Variants in DRC11 observed in about 807,000 individuals in gnomAD.
DRC11 encodes the protein IQ and AAA domain-containing protein 1.
chr2:236,411,330 T>C, the DRC11 span, among the ~76,000 whole-genome samples: 1 of 151,060 alleles, frequency 6.6e-6, no homozygotes, highest in East Asian at 2.0e-4. Flanking sequence ...GAAATGCAAA[T>C]CAAAACCACA....
the DRC11 span, among the ~76,000 whole-genome samples, chr2:236,471,997 G>A: frequency 6.6e-6 from 1 of 152,150 alleles, no homozygotes; most frequent in African/African-American, 2.4e-5. The surrounding 1 kb of genome is among the most constrained non-coding windows in gnomAD (Gnocchi z 4.6). Context: ...GGAGACCTGA[G>A]ACAAGAATAA....
At chr2:236,322,324 T>C in the DRC11 span, among the ~76,000 whole-genome samples, 2 of 140,192 alleles carry the variant, frequency 1.4e-5, no homozygotes, top group East Asian at 4.7e-4. Flanking sequence ...AAGCTCCGCC[T>C]CCCGGGTTCA....
At chr2:236,365,947 C>G in the DRC11 span, among the ~76,000 whole-genome samples, 1 of 152,180 alleles carries the variant, frequency 6.6e-6, no homozygotes, top group African/African-American at 2.4e-5. This position sits in a 1 kb window ranked among gnomAD's most constrained non-coding sequence, Gnocchi z 7.4. Context: ...ACAAGGAGGC[C>G]AGTGTTCTCT....
the DRC11 span, among the ~76,000 whole-genome samples, chr2:236,446,033 G>C: frequency 1.3e-5 from 2 of 152,140 alleles, no homozygotes; most frequent in South Asian, 2.1e-4. This position sits in a 1 kb window ranked among gnomAD's most constrained non-coding sequence, Gnocchi z 6.2. Context: ...TGGCCACTTA[G>C]AGCATGTTAA....
chr2:236,334,389 G>T, the DRC11 span, among the ~76,000 whole-genome samples: 1 of 152,146 alleles, frequency 6.6e-6, no homozygotes, highest in Non-Finnish European at 1.5e-5. This position sits in a 1 kb window ranked among gnomAD's most constrained non-coding sequence, Gnocchi z 7.8. Flanking sequence ...GGGGTCTCTG[G>T]CCCAGAAGTG....
At chr2:236,315,705 G>T in the DRC11 span, among the ~76,000 whole-genome samples, 1 of 152,170 alleles carries the variant, frequency 6.6e-6, no homozygotes, top group African/African-American at 2.4e-5. The surrounding 1 kb of genome is among the most constrained non-coding windows in gnomAD (Gnocchi z 5.1). Context: ...CCTTTGCAGG[G>T]ACATGGATGA....
the DRC11 span, among the ~76,000 whole-genome samples, chr2:236,491,572 T>C: frequency 5.3e-5 from 8 of 152,108 alleles, no homozygotes; most frequent in Admixed American, 1.3e-4. Flanking sequence ...GTAATCTCCC[T>C]TCTCCATTTT....
chr2:236,340,833 A>G, the DRC11 span, among the ~76,000 whole-genome samples: 1 of 152,228 alleles, frequency 6.6e-6, no homozygotes, highest in Non-Finnish European at 1.5e-5. Flanking sequence ...GGCAATGTCC[A>G]GAGTGACATC....
chr2:236,421,289 TC>T, the DRC11 span, among the ~76,000 whole-genome samples: 1 of 151,906 alleles, frequency 6.6e-6, no homozygotes, highest in Non-Finnish European at 1.5e-5. Context: ...TTTGAAAAGA[TC>T]AACTAAATTG....
chr2:236,458,547 C>T, the DRC11 span, among the ~76,000 whole-genome samples: 4 of 152,190 alleles, frequency 2.6e-5, no homozygotes, highest in Non-Finnish European at 5.9e-5. Flanking sequence ...AAATGCATAA[C>T]CCCAATAAGT....
chr2:236,357,767 C>T, the DRC11 span, among the ~76,000 whole-genome samples: 1 of 122,178 alleles, frequency 8.2e-6, no homozygotes, highest in Admixed American at 8.9e-5. Context: ...TATACATATA[C>T]TATGTAAATA....
At chr2:236,463,220 A>G in the DRC11 span, among the ~76,000 whole-genome samples, 1 of 152,224 alleles carries the variant, frequency 6.6e-6, no homozygotes, top group African/African-American at 2.4e-5. The surrounding 1 kb of genome is among the most constrained non-coding windows in gnomAD (Gnocchi z 5.0). Flanking sequence ...GAATTTTATA[A>G]GTTTTGACAA....
the DRC11 span, among the ~76,000 whole-genome samples, chr2:236,486,389 T>G: frequency 6.6e-6 from 1 of 152,108 alleles, no homozygotes; most frequent in Non-Finnish European, 1.5e-5. This position sits in a 1 kb window ranked among gnomAD's most constrained non-coding sequence, Gnocchi z 5.7. Flanking sequence ...TTTAAGCTAC[T>G]AAGTTTGTGG....
the DRC11 span, among the ~76,000 whole-genome samples, chr2:236,443,841 T>G: frequency 0.023 from 3,489 of 152,312 alleles, 133 homozygotes; most frequent in African/African-American, 0.079. This position sits in a 1 kb window ranked among gnomAD's most constrained non-coding sequence, Gnocchi z 4.4. Context: ...TCTGCAACCT[T>G]GCCAGCACCT....
chr2:236,386,393 G>A, the DRC11 span, among the ~76,000 whole-genome samples: 1 of 152,132 alleles, frequency 6.6e-6, no homozygotes, highest in African/African-American at 2.4e-5. Context: ...AGTCTTGGGA[G>A]AATGTATGTG....
chr2:236,499,845 T>A, the DRC11 span, among the ~76,000 whole-genome samples: 4 of 152,208 alleles, frequency 2.6e-5, no homozygotes, highest in Non-Finnish European at 4.4e-5. This position sits in a 1 kb window ranked among gnomAD's most constrained non-coding sequence, Gnocchi z 4.7. Flanking sequence ...GAGATAAGTA[T>A]CCATGGTTAA....
chr2:236,456,929 G>A, the DRC11 span, among the ~76,000 whole-genome samples: 22 of 152,330 alleles, frequency 1.4e-4, no homozygotes, highest in East Asian at 3.9e-4. The surrounding 1 kb of genome is among the most constrained non-coding windows in gnomAD (Gnocchi z 5.4). Context: ...TCCAAAGCCC[G>A]TGGGGAGATG....
chr2:236,497,491 G>A, the DRC11 span: 2 of 1,586,364 alleles, frequency 1.3e-6, no homozygotes. The surrounding 1 kb of genome is among the most constrained non-coding windows in gnomAD (Gnocchi z 5.1). Flanking sequence ...ATACATTCTG[G>A]GGGAAGAGAG....
At chr2:236,417,826 G>A in the DRC11 span, among the ~76,000 whole-genome samples, 2 of 152,034 alleles carry the variant, frequency 1.3e-5, no homozygotes, top group Admixed American at 6.5e-5. Context: ...AGAACATGTG[G>A]TGTTTGGTTT....
Sources: gnomAD v4.1 joint callset for allele counts (sites outside exome capture counted in the v4.1 genomes callset) on GRCh38, gnomAD v4.1.1 for gene constraint, Gnocchi (gnomAD v3.1) non-coding constraint, MANE v1.5 for transcripts, NCBI Gene and HGNC (gene_info 2026-07-23, HGNC 2026-07-21) for gene names.